Variants in SPOCK1 observed in about 807,000 individuals in gnomAD.
The protein encoded by SPOCK1 is testican-1.
In SPOCK1, 23 loss-of-function variants were observed where a neutral mutation model predicts 55.3. That is an observed-to-expected ratio of 0.42 (90% CI 0.30 to 0.59). The LOEUF (loss-of-function observed/expected upper bound fraction) is 0.59, where lower values mean the gene tolerates loss of function less well. SPOCK1 is among the 20% of genes least tolerant of loss of function. The pLI is 0.22. For synonymous variants in SPOCK1, 226 were observed against 221.0 expected, an observed-to-expected ratio of 1.02 and a Z score of -0.20; for missense variants, 499 against 552.5, an observed-to-expected ratio of 0.90 and a Z score of 0.97.
chr5:137,154,509 T>G (rs892356633), intron 3 of SPOCK1, among the ~76,000 whole-genome samples: 1 of 152,088 alleles, frequency 6.6e-6, no homozygotes, highest in African/African-American at 2.4e-5. Context: ...AATATAGCAA[T>G]AGATCTCATG....
At chr5:137,393,083 C>A (rs1751760655) in intron 2 of SPOCK1, among the ~76,000 whole-genome samples, 1 of 152,140 alleles carries the variant, frequency 6.6e-6, no homozygotes, top group African/African-American at 2.4e-5. Context: ...CCTCTGCCCA[C>A]CCCCTGCATC....
At chr5:137,263,187 T>C (rs1176813885) in intron 3 of SPOCK1, among the ~76,000 whole-genome samples, 3 of 152,036 alleles carry the variant, frequency 2.0e-5, no homozygotes, top group Non-Finnish European at 2.9e-5. Context: ...AAATTGAAAA[T>C]ATGGTCACAG....
chr5:136,989,729 G>A (rs1466986397), intron 7 of SPOCK1, among the ~76,000 whole-genome samples: 1 of 152,028 alleles, frequency 6.6e-6, no homozygotes, highest in African/African-American at 2.4e-5. Context: ...TGCCTGACTT[G>A]ATCTTCCTGT....
At chr5:137,192,848 T>C (rs908139849) in intron 3 of SPOCK1, among the ~76,000 whole-genome samples, 2 of 152,296 alleles carry the variant, frequency 1.3e-5, no homozygotes, top group South Asian at 2.1e-4. Flanking sequence ...TGCAAAATAA[T>C]AGTATGTAAT....
At chr5:136,984,534 G>A (rs1160530498) in intron 9 of SPOCK1, among the ~76,000 whole-genome samples, 1 of 152,160 alleles carries the variant, frequency 6.6e-6, no homozygotes, top group Non-Finnish European at 1.5e-5. Flanking sequence ...CTGGAGAAAG[G>A]CAGGCTTGGA....
intron 4 of SPOCK1, among the ~76,000 whole-genome samples, chr5:137,137,021 C>T (rs979736504): frequency 1.3e-5 from 2 of 152,260 alleles, no homozygotes; most frequent in African/African-American, 2.4e-5. Flanking sequence ...CCCTGACACA[C>T]TGCAGTCACA....
At chr5:136,978,960 G>A (rs1007275293) in intron 10 of SPOCK1, 116 bp from the exon 11 acceptor site, 1 of 1,108,346 alleles carries the variant, frequency 9.0e-7, no homozygotes, top group African/African-American at 1.6e-5. Flanking sequence ...TCTGAAAACA[G>A]AAACATCCCT....
At chr5:137,379,006 T>C (rs1028177489) in intron 2 of SPOCK1, among the ~76,000 whole-genome samples, 4 of 152,104 alleles carry the variant, frequency 2.6e-5, no homozygotes, top group Non-Finnish European at 5.9e-5. Flanking sequence ...TTGCCTTTCA[T>C]ACAACTAAGA....
chr5:137,431,559 G>C (rs978778260), intron 2 of SPOCK1, among the ~76,000 whole-genome samples: 3 of 152,250 alleles, frequency 2.0e-5, no homozygotes, highest in African/African-American at 2.4e-5. Context: ...GTGGGACCCA[G>C]TGGGGAGTGT....
chr5:137,300,128 T>C (rs1580854057), intron 2 of SPOCK1, among the ~76,000 whole-genome samples: 1 of 152,238 alleles, frequency 6.6e-6, no homozygotes, highest in South Asian at 2.1e-4. Context: ...AAGTTTTTAT[T>C]GATGTAAGTC....
At chr5:137,185,765 T>G (rs1416335172) in intron 3 of SPOCK1, among the ~76,000 whole-genome samples, 1 of 152,018 alleles carries the variant, frequency 6.6e-6, no homozygotes, top group South Asian at 2.1e-4. Context: ...CAGGCTGGCA[T>G]CTAAGGAGGC....
At position 137,419,773 on chromosome 5, in the gene SPOCK1, C is replaced by G. The variant is rs558417020; in HGVS notation, c.186+78600G>C. Among the ~76,000 whole-genome samples, 7 of 152,292 alleles carry G rather than the reference C, an allele frequency of 4.6e-5. No homozygotes were observed. In the South Asian group the frequency reaches 1.5e-3, roughly 32 times the overall value. Reference sequence around the variant, plus strand: ...CAGGGACAATTTGACTTCCTCTTTTCCTAATTGATTACCCTTTATTTCCTT... The same window carrying G: ...CAGGGACAATTTGACTTCCTCTTTTGCTAATTGATTACCCTTTATTTCCTT... On this transcript the variant is annotated intron_variant, in intron 2 of 10. Transcript: ENST00000394945.
chr5:137,317,089 C>T (rs1757892455), intron 2 of SPOCK1, among the ~76,000 whole-genome samples: 1 of 152,178 alleles, frequency 6.6e-6, no homozygotes, highest in Admixed American at 6.5e-5. Flanking sequence ...ATGGATGGTC[C>T]TTGATTTTAC....
chr5:137,184,484 TG>T (rs1414131861), intron 3 of SPOCK1, among the ~76,000 whole-genome samples: 1 of 152,212 alleles, frequency 6.6e-6, no homozygotes, highest in African/African-American at 2.4e-5. Flanking sequence ...CTTTTCCATT[TG>T]GGAGAAGGTA....
At chr5:137,063,239 C>CAAAA (rs34720226) in intron 6 of SPOCK1, among the ~76,000 whole-genome samples, 5 of 100,246 alleles carry the variant, frequency 5.0e-5, no homozygotes, top group East Asian at 2.9e-4. Context: ...GACTCCATCT[C>CAAAA]AAAAAAAAAA....
chr5:137,112,086 T>C (rs954037673), intron 5 of SPOCK1, among the ~76,000 whole-genome samples: 23 of 152,126 alleles, frequency 1.5e-4, no homozygotes, highest in Admixed American at 1.2e-3. Flanking sequence ...CGACCCCCCC[T>C]TACTGGTTTG....
intron 2 of SPOCK1, among the ~76,000 whole-genome samples, chr5:137,464,297 G>A (rs1311398910): frequency 6.6e-6 from 1 of 152,112 alleles, no homozygotes; most frequent in Non-Finnish European, 1.5e-5. Flanking sequence ...GCAAGATCTT[G>A]TCTCAAATAA....
At chr5:137,337,625 T>C (rs1205742798) in intron 2 of SPOCK1, among the ~76,000 whole-genome samples, 1 of 152,222 alleles carries the variant, frequency 6.6e-6, no homozygotes, top group Non-Finnish European at 1.5e-5. Context: ...TCCATCGAGC[T>C]AAAGGCAAGG....
chr5:137,233,198 T>C (rs1756100334), intron 3 of SPOCK1, among the ~76,000 whole-genome samples: 1 of 152,240 alleles, frequency 6.6e-6, no homozygotes, highest in Non-Finnish European at 1.5e-5. Flanking sequence ...ATTATATTTA[T>C]TGTGTACTTT....
Sources: gnomAD v4.1 joint callset for allele counts (sites outside exome capture counted in the v4.1 genomes callset) on GRCh38, gnomAD v4.1.1 for gene constraint, MANE v1.5 for transcripts, NCBI Gene and HGNC (gene_info 2026-07-23, HGNC 2026-07-21) for gene names.